Variants in CACNA1C observed in about 807,000 individuals in gnomAD.
The protein encoded by CACNA1C is calcium voltage-gated channel subunit alpha1 C.
Under a neutral mutation model 229.0 loss-of-function variants are expected in CACNA1C, and 30 were observed. That is an observed-to-expected ratio of 0.13 (90% confidence interval 0.10 to 0.18). The LOEUF is 0.18. Among genes scored for constraint, CACNA1C ranks in the 10% least tolerant of loss-of-function variants. The probability of loss-of-function intolerance (pLI) is 1.00; values close to 1 mark genes in which losing one functional copy is unlikely to be tolerated. For synonymous variants in CACNA1C, 1,114 were observed against 1,132.5 expected, an observed-to-expected ratio of 0.98 and a Z score of 0.33; for missense variants, 1,658 against 2,845.0, an observed-to-expected ratio of 0.58 and a Z score of 9.49.
At position 2,513,534 on chromosome 12, in the gene CACNA1C, C is replaced by T. The variant is rs141734647; in HGVS notation, c.1390+550C>T. Among the ~76,000 whole-genome samples, 337 of 152,304 alleles carry T rather than the reference C, an allele frequency of 2.2e-3. 2 individuals carry two copies. The highest frequency in any genetic ancestry group is 0.012 in the East Asian group (62 of 5,184). On this transcript the variant is annotated intron_variant, in intron 9 of 46. Coordinates refer to ENST00000399655, the MANE Select transcript of CACNA1C (RefSeq NM_000719.7). ...GTGTTGGGGGAAGCCCAGAGGAATT[C>T]GGCAGAATGCAATTAGGTGATGGAA...
chr12:2,278,233 A>G (rs1012034706), intron 3 of CACNA1C, among the ~76,000 whole-genome samples: 11 of 152,208 alleles, frequency 7.2e-5, no homozygotes, highest in Admixed American at 5.2e-4. Flanking sequence ...CACTCAGTCT[A>G]TTGTTCTATG....
rs188470158 is a variant in CACNA1C at position 2,358,429 on chromosome 12, A to T, written c.478-90547A>T. On this transcript the variant is annotated intron_variant, in intron 3 of 46. Coordinates refer to ENST00000399655, the MANE Select transcript of CACNA1C (RefSeq NM_000719.7). ...AATCTCATTACAACCCTTTCCATTTATTGGACCAAGAGATTGAGGCTAAGA... is the reference window on the plus strand; with the variant it reads ...AATCTCATTACAACCCTTTCCATTTTTTGGACCAAGAGATTGAGGCTAAGA... Among the ~76,000 whole-genome samples the T allele has an allele frequency of 1.1e-4, 17 of 152,222 alleles. No individual in the cohort carries two copies. In the East Asian group the frequency reaches 2.5e-3, roughly 23 times the overall value.
At chr12:2,109,254 T>A (rs1009208668) in intron 1 of CACNA1C, among the ~76,000 whole-genome samples, 1 of 152,116 alleles carries the variant, frequency 6.6e-6, no homozygotes, top group African/African-American at 2.4e-5. Flanking sequence ...CCAGGGGCGT[T>A]GGGCATGTTT....
intron 1 of CACNA1C, among the ~76,000 whole-genome samples, chr12:2,086,480 A>C (rs912404287): frequency 1.3e-5 from 2 of 152,204 alleles, no homozygotes; most frequent in African/African-American, 2.4e-5. Flanking sequence ...CTCCATTTTT[A>C]CCACTTAGTT....
chr12:2,269,884 T>C (rs1366416858), intron 3 of CACNA1C: 1 of 152,042 alleles, frequency 6.6e-6, no homozygotes, highest in Non-Finnish European at 1.5e-5. Flanking sequence ...AGGAGGACCA[T>C]GAGGGAGAAA....
In CACNA1C at chr12:2,486,312, C is replaced by T; in HGVS notation, c.916+50C>T. 6.6e-7 allele frequency: 1 copy of T among 1,518,084 alleles called. No individual in the cohort carries two copies. The highest frequency in any genetic ancestry group is 9.0e-7 in the Non-Finnish European group (1 of 1,110,606). The allele number at this position is 1,518,084 out of a possible 1,614,324, so 94.0% of individuals were successfully genotyped here. On this transcript the variant is annotated intron_variant, in intron 6 of 46. Transcript: ENST00000399655. This position sits in a 1 kb window ranked among gnomAD's most constrained non-coding sequence, Gnocchi z 4.9. The stretch of plus-strand genomic sequence containing the variant: ...CCCAAGGCCCTGCCCTCTATCGCTC[C>T]CAGCACCTTTCCCGCTGCTGGCTAC...
chr12:2,593,923 A>C (rs1306676568), intron 19 of CACNA1C, among the ~76,000 whole-genome samples: 3 of 152,196 alleles, frequency 2.0e-5, no homozygotes, highest in Admixed American at 2.0e-4. Flanking sequence ...CGTAATGGCA[A>C]ATTCAGTGGG....
chr12:2,158,967 G>A (rs929464975), intron 3 of CACNA1C, among the ~76,000 whole-genome samples: 1 of 152,056 alleles, frequency 6.6e-6, no homozygotes, highest in Non-Finnish European at 1.5e-5. Context: ...GCAGAGGATA[G>A]GGAAGAGGTG....
In CACNA1C at chr12:2,152,859, G is replaced by A. The variant is rs897230018; in HGVS notation, c.477+32429G>A. ...ACTGGTGTGCCCGGTAGGAAAGATT[G>A]GTAGGTCCCACTGGTCCCGAGTGTC... On this transcript the variant is annotated intron_variant, in intron 3 of 46. Coordinates refer to ENST00000399655, the MANE Select transcript of CACNA1C (RefSeq NM_000719.7). The surrounding 1 kb of genome is among the most constrained non-coding windows in gnomAD (Gnocchi z 4.2). Among the ~76,000 whole-genome samples, 4 of 152,124 alleles carry A rather than the reference G, an allele frequency of 2.6e-5. No homozygotes were observed. In the East Asian group the frequency reaches 5.8e-4, roughly 22 times the overall value.
At chr12:2,521,852 G>C (rs534072465) in intron 9 of CACNA1C, among the ~76,000 whole-genome samples, 37 of 152,250 alleles carry the variant, frequency 2.4e-4, no homozygotes, top group South Asian at 8.3e-4. Context: ...TTCTGCAGCC[G>C]ACTGTGTCAC....
chr12:2,104,545 A>G (rs1218779979), intron 1 of CACNA1C, among the ~76,000 whole-genome samples: 1 of 152,170 alleles, frequency 6.6e-6, no homozygotes. Context: ...CTCTGTTTGT[A>G]TTTGAATACC....
intron 3 of CACNA1C, among the ~76,000 whole-genome samples, chr12:2,241,755 C>T (rs1353362321): frequency 6.6e-6 from 1 of 152,148 alleles, no homozygotes; most frequent in African/African-American, 2.4e-5. Flanking sequence ...TGGAAAGATC[C>T]CTCCCAATGT....
chr12:2,495,676 G>T (rs1318209931), intron 7 of CACNA1C, among the ~76,000 whole-genome samples: 1 of 152,206 alleles, frequency 6.6e-6, no homozygotes. Flanking sequence ...GTGTGATAGT[G>T]CTCAGGCTGG....
At chr12:2,446,512 A>G (rs2099286154) in intron 3 of CACNA1C, among the ~76,000 whole-genome samples, 1 of 145,108 alleles carries the variant, frequency 6.9e-6, no homozygotes, top group Admixed American at 6.8e-5. Flanking sequence ...GGATGGATGG[A>G]TGGATGGACA....
intron 1 of CACNA1C, among the ~76,000 whole-genome samples, chr12:1,975,675 A>G (rs1211394577): frequency 2.0e-5 from 3 of 152,198 alleles, no homozygotes; most frequent in Non-Finnish European, 4.4e-5. Flanking sequence ...GAATAGCATT[A>G]CTATGTTTTC....
intron 29 of CACNA1C, among the ~76,000 whole-genome samples, chr12:2,615,539 T>C (rs549611525): frequency 6.6e-6 from 1 of 152,212 alleles, no homozygotes; most frequent in African/African-American, 2.4e-5. Flanking sequence ...CTCAATACCA[T>C]TCCAGTTAAA....
intron 3 of CACNA1C, among the ~76,000 whole-genome samples, chr12:2,150,589 C>T (rs1370520219): frequency 1.3e-5 from 2 of 152,180 alleles, no homozygotes; most frequent in Non-Finnish European, 2.9e-5. Flanking sequence ...AGTTAGGTGG[C>T]TTTAAAATAG....
chr12:2,449,981 G>A (rs1437567918), intron 4 of CACNA1C, among the ~76,000 whole-genome samples: 1 of 152,146 alleles, frequency 6.6e-6, no homozygotes, highest in African/African-American at 2.4e-5. Context: ...AAACCAGACT[G>A]CTCAAGACAG....
At chr12:2,625,121 C>T (rs779974300) in intron 29 of CACNA1C, among the ~76,000 whole-genome samples, 17 of 151,758 alleles carry the variant, frequency 1.1e-4, no homozygotes, top group Non-Finnish European at 1.9e-4. Flanking sequence ...GCTCTGCACT[C>T]AGGGATTTGC....
Sources: allele counts gnomAD v4.1 joint callset (sites outside exome capture counted in the v4.1 genomes callset), GRCh38; gene constraint gnomAD v4.1.1; non-coding constraint Gnocchi (gnomAD v3.1); transcripts MANE v1.5; gene names NCBI Gene and HGNC (gene_info 2026-07-23, HGNC 2026-07-21).